Variants in LRRC4C observed in about 807,000 individuals in gnomAD.
LRRC4C encodes the protein leucine rich repeat containing 4C.
LRRC4C carries 5 observed loss-of-function variants against 33.6 expected under a neutral mutation model. The observed-to-expected ratio is 0.15, with a 90% CI of 0.08 to 0.31. The LOEUF (loss-of-function observed/expected upper bound fraction) is 0.31, where lower values mean the gene tolerates loss of function less well. LRRC4C is among the 10% of genes least tolerant of loss of function. LRRC4C has a pLI of 1.00. For missense variants in LRRC4C, 560 were observed against 796.7 expected (o/e 0.70, Z 3.58); for synonymous variants, 329 against 302.0 (o/e 1.09, Z -0.93).
intron 3 of LRRC4C, among the ~76,000 whole-genome samples, chr11:40,449,400 C>A (rs1362289131): frequency 6.6e-6 from 1 of 150,998 alleles, no homozygotes; most frequent in African/African-American, 2.4e-5. Flanking sequence ...CCCACGGATA[C>A]CTAGGAGAAG....
Position 41,011,848 on chromosome 11 carries a change from T to TATATTA in LRRC4C, c.-495-78126_-495-78125insTAATAT, listed in dbSNP as rs1280598237. ...TATATTATATTATATTATATTATAT[T>TATATTA]ATGTTACATGTATTTTTGAGATGGA... On this transcript the variant is annotated intron_variant, in intron 1 of 6. Coordinates refer to ENST00000528697, the MANE Select transcript of LRRC4C (RefSeq NM_001258419.2). Among the ~76,000 whole-genome samples, 597 of 148,290 alleles carry TATATTA rather than the reference T, an allele frequency of 4.0e-3. 4 individuals carry two copies. Among genetic ancestry groups the TATATTA allele is most frequent in the African/African-American group, 0.014 (568 of 40,916 alleles).
intron 2 of LRRC4C, among the ~76,000 whole-genome samples, chr11:40,808,389 C>A (rs1951341490): frequency 6.6e-6 from 1 of 152,068 alleles, no homozygotes; most frequent in Non-Finnish European, 1.5e-5. Flanking sequence ...CTGTGTCTAA[C>A]CTTCCTATAC....
At chr11:40,168,770 A>C (rs953896635) in intron 5 of LRRC4C, among the ~76,000 whole-genome samples, 2 of 152,232 alleles carry the variant, frequency 1.3e-5, no homozygotes, top group African/African-American at 4.8e-5. Context: ...AGTAACAGGA[A>C]ATCCTTTACA....
At chr11:40,341,034 G>C (rs1008192238) in intron 3 of LRRC4C, among the ~76,000 whole-genome samples, 2 of 152,100 alleles carry the variant, frequency 1.3e-5, no homozygotes, top group Non-Finnish European at 1.5e-5. Context: ...ACTTGCCAAG[G>C]CTCTATTGAA....
intron 1 of LRRC4C, among the ~76,000 whole-genome samples, chr11:41,214,277 T>C (rs2136332942): frequency 6.6e-6 from 1 of 152,180 alleles, no homozygotes; most frequent in South Asian, 2.1e-4. Flanking sequence ...ACCTCTACTG[T>C]TGCCAGGCTG....
At chr11:40,760,769 C>T (rs1305014030) in intron 2 of LRRC4C, among the ~76,000 whole-genome samples, 1 of 147,276 alleles carries the variant, frequency 6.8e-6, no homozygotes, top group African/African-American at 2.5e-5. Flanking sequence ...TGCCAGCACA[C>T]CTGGCCAATT....
At chr11:40,425,771 C>A (rs879852304) in intron 3 of LRRC4C, among the ~76,000 whole-genome samples, 1 of 152,212 alleles carries the variant, frequency 6.6e-6, no homozygotes, top group African/African-American at 2.4e-5. Flanking sequence ...TGTCTAAACT[C>A]TTTCTCATGT....
intron 2 of LRRC4C, among the ~76,000 whole-genome samples, chr11:40,878,039 G>T (rs1954992464): frequency 6.6e-6 from 1 of 152,090 alleles, no homozygotes; most frequent in Non-Finnish European, 1.5e-5. Flanking sequence ...TTTCAAAGAA[G>T]CTCTCCAGTG....
At chr11:41,014,104 A>G (rs965288073) in intron 1 of LRRC4C, among the ~76,000 whole-genome samples, 1 of 152,084 alleles carries the variant, frequency 6.6e-6, no homozygotes, top group African/African-American at 2.4e-5. Context: ...TCATCTATGC[A>G]TGGTGGAAGG....
chr11:40,223,742 T>G (rs1487160034), intron 5 of LRRC4C, among the ~76,000 whole-genome samples: 1 of 152,208 alleles, frequency 6.6e-6, no homozygotes, highest in East Asian at 1.9e-4. Flanking sequence ...GAATGAAAAG[T>G]GCCAACCACA....
chr11:41,457,989 C>T (rs981181722), intron 1 of LRRC4C, among the ~76,000 whole-genome samples: 7 of 152,120 alleles, frequency 4.6e-5, no homozygotes, highest in Non-Finnish European at 1.0e-4. Context: ...TTTTGTAACT[C>T]CTTTTTTTAA....
At chr11:41,087,741 G>A (rs1478825435) in intron 1 of LRRC4C, among the ~76,000 whole-genome samples, 1 of 152,128 alleles carries the variant, frequency 6.6e-6, no homozygotes. Flanking sequence ...AACTTGGGAT[G>A]TGCTTGACTT....
chr11:40,653,557 G>C (rs943561632), intron 2 of LRRC4C, among the ~76,000 whole-genome samples: 2 of 152,124 alleles, frequency 1.3e-5, no homozygotes, highest in Admixed American at 6.6e-5. Context: ...AGGTAACTTG[G>C]GTTCTCTTAG....
At chr11:40,650,720 T>C (rs1289301988) in intron 2 of LRRC4C, among the ~76,000 whole-genome samples, 2 of 152,230 alleles carry the variant, frequency 1.3e-5, no homozygotes, top group Non-Finnish European at 2.9e-5. Context: ...TTAACAAAAA[T>C]AACTTCCTGT....
intron 1 of LRRC4C, among the ~76,000 whole-genome samples, chr11:41,094,897 G>A (rs1194604214): frequency 1.3e-5 from 2 of 152,042 alleles, no homozygotes; most frequent in Non-Finnish European, 1.5e-5. Flanking sequence ...TGTCTAAAAA[G>A]GTAGAGCTTA....
At chr11:40,565,983 A>G (rs1957743094) in intron 3 of LRRC4C, among the ~76,000 whole-genome samples, 1 of 152,058 alleles carries the variant, frequency 6.6e-6, no homozygotes, top group Admixed American at 6.6e-5. Context: ...AAACACTTGT[A>G]AAGATGCTTG....
intron 2 of LRRC4C, among the ~76,000 whole-genome samples, chr11:40,725,168 C>A (rs1017486924): frequency 6.6e-6 from 1 of 152,164 alleles, no homozygotes; most frequent in Admixed American, 6.6e-5. Context: ...TGATAAGAAC[C>A]TGATCATCTT....
intron 3 of LRRC4C, among the ~76,000 whole-genome samples, chr11:40,589,920 T>C (rs1047134689): frequency 6.6e-6 from 1 of 150,684 alleles, no homozygotes; most frequent in Non-Finnish European, 1.5e-5. Context: ...ATTTTTTCCT[T>C]CATTTCAACT....
chr11:40,460,488 C>T (rs1364007964), intron 3 of LRRC4C, among the ~76,000 whole-genome samples: 1 of 152,104 alleles, frequency 6.6e-6, no homozygotes, highest in Non-Finnish European at 1.5e-5. Flanking sequence ...TCTGGATTGA[C>T]TGAGACAGCA....
Sources: allele counts gnomAD v4.1 joint callset (sites outside exome capture counted in the v4.1 genomes callset), GRCh38; gene constraint gnomAD v4.1.1; transcripts MANE v1.5; gene names NCBI Gene and HGNC (gene_info 2026-07-23, HGNC 2026-07-21).